The following TOMM70 variants were observed in gnomAD, a reference collection of about 807,000 sequenced individuals.
The protein encoded by TOMM70 is translocase of outer mitochondrial membrane 70.
TOMM70 carries 13 observed loss-of-function variants against 73.6 expected under a neutral mutation model. The ratio of observed to expected loss-of-function variants is 0.18; its 90% CI spans 0.11 to 0.28. The LOEUF (loss-of-function observed/expected upper bound fraction) is 0.28. Ranked by LOEUF, TOMM70 falls within the 10% of genes least tolerant of loss-of-function variation. The pLI, the probability that TOMM70 is intolerant of heterozygous loss-of-function variation, is 1.00. For missense variants in TOMM70, 609 were observed against 747.5 expected (o/e 0.81, Z 2.16); for synonymous variants, 257 against 271.2 (o/e 0.95, Z 0.51).
At chr3:100,377,514 G>T in intron 6 of TOMM70, 191 bp downstream of exon 6, 1 of 594,224 alleles carries the variant, frequency 1.7e-6, no homozygotes, top group South Asian at 2.2e-5. Flanking sequence ...CCTAAATAAA[G>T]ATAAATATCA....
At chr3:100,376,369 G>GTTTTTTTTTTTTTTGTT (rs761190084) in intron 6 of TOMM70, among the ~76,000 whole-genome samples, 1 of 121,768 alleles carries the variant, frequency 8.2e-6, no homozygotes, top group African/African-American at 3.7e-5. Flanking sequence ...TCACACAGAA[G>GTTTTTTTTTTTTTTGTT]TTTTTTTTTT....
At chr3:100,391,700 T>C (rs1319114219) in intron 1 of TOMM70, among the ~76,000 whole-genome samples, 1 of 152,314 alleles carries the variant, frequency 6.6e-6, no homozygotes, top group Middle Eastern at 3.4e-3. Flanking sequence ...GCCTTCCAAG[T>C]AGCTGTACGT....
At position 100,377,691 on chromosome 3, in the gene TOMM70, AT is replaced by A; in HGVS notation, c.1092+13del. On this transcript the variant is annotated intron_variant, in intron 6 of 11. Transcript: ENST00000284320. ...TCTATTTAATAATTTCTTCACACAC[AT>A]TTTTTAATGTACCTTCACATTAGCT... The A allele has an allele frequency of 1.3e-6, 2 of 1,595,838 alleles. No homozygotes were observed. Among genetic ancestry groups the A allele is most frequent in the Non-Finnish European group, 8.6e-7 (1 of 1,165,742 alleles).
chr3:100,387,111 T>C (rs1706700360), intron 1 of TOMM70, 133 bp from the exon 2 acceptor site: 2 of 892,496 alleles, frequency 2.2e-6, no homozygotes, highest in African/African-American at 1.7e-5. Context: ...CATACAAATA[T>C]CTTCATGGAA....
rs1706440976 is a variant in TOMM70 at position 100,365,632 on chromosome 3, G to C, written c.1759C>G (p.Leu587Val). Residue 587 changes from leucine to valine, a missense_variant, in exon 12 of 12, where the codon CTT (leucine) becomes GTT (valine). By Grantham distance (32) the Leu-to-Val change is conservative. Transcript: ENST00000284320. ...GTCTGGGCATGGGCGGCATCGCAAAGTGAATACAGATGGGCCATCTCCATT... is the reference window on the plus strand; with the variant it reads ...GTCTGGGCATGGGCGGCATCGCAAACTGAATACAGATGGGCCATCTCCATT... ...SEMEMAHLYS[L>V]CDAAHAQTEV... 6.2e-7 allele frequency: 1 copy of C among 1,614,098 alleles called. No homozygotes were observed. Among genetic ancestry groups the C allele is most frequent in the Non-Finnish European group, 8.5e-7 (1 of 1,180,040 alleles).
intron 5 of TOMM70, among the ~76,000 whole-genome samples, chr3:100,380,628 C>T (rs1302776535): frequency 6.6e-6 from 1 of 152,146 alleles, no homozygotes; most frequent in Non-Finnish European, 1.5e-5. Context: ...GTATTAAATT[C>T]ATTATAGTTT....
chr3:100,395,241 C>T (rs1355722204), intron 1 of TOMM70, among the ~76,000 whole-genome samples: 1 of 152,010 alleles, frequency 6.6e-6, no homozygotes, highest in Non-Finnish European at 1.5e-5. Context: ...TGGTGGCACT[C>T]GCCTGTAATC....
Position 100,365,542 on chromosome 3 carries a change from G to T in TOMM70, c.*22C>A, listed in dbSNP as rs1268276289. Reference sequence around the variant, plus strand: ...GAGGGGGTAAACTTTTAAAAAGAGGGTCAGTCTGCTTTCCCCCTGTTTTAT... The same window carrying T: ...GAGGGGGTAAACTTTTAAAAAGAGGTTCAGTCTGCTTTCCCCCTGTTTTAT... On this transcript the variant is annotated 3_prime_UTR_variant, in exon 12 of 12. Transcript: ENST00000284320. 5 of 1,613,936 alleles carry T rather than the reference G, an allele frequency of 3.1e-6. No homozygotes were observed. The South Asian group carries it at 5.5e-5, about 18-fold the overall frequency.
At chr3:100,398,173 CAG>C (rs1706846663) in intron 1 of TOMM70, among the ~76,000 whole-genome samples, 1 of 151,986 alleles carries the variant, frequency 6.6e-6, no homozygotes, top group East Asian at 1.9e-4. Flanking sequence ...CACCTGAGGT[CAG>C]GGGTTTGAGA....
At chr3:100,373,511 G>C (rs1706532529) in intron 8 of TOMM70, 27 bp downstream of exon 8, 1 of 1,539,160 alleles carries the variant, frequency 6.5e-7, no homozygotes, top group Non-Finnish European at 8.8e-7. Flanking sequence ...TGATGTTTAG[G>C]AAAATACAAA....
Position 100,365,709 on chromosome 3 carries a change from A to C in TOMM70, c.1682T>G (p.Met561Arg). ...GTTGAACATGTCAATGGCTTTCTCC[A>C]TGTTTCCTCTAAAAGAACAAAATTT... The part of the protein sequence containing the change: ...MGTIEVQRGN[M>R]EKAIDMFNKA... Residue 561 changes from methionine to arginine, a missense_variant, in exon 12 of 12, where the codon ATG becomes AGG. Physicochemically the swap from Met to Arg is moderately conservative, Grantham distance 91. This residue lies in a region of TOMM70 where 432 missense variants were observed against 584.1 expected (regional missense o/e 0.74). Coordinates refer to ENST00000284320, the MANE Select transcript of TOMM70 (RefSeq NM_014820.5). 6.2e-7 allele frequency: 1 copy of C among 1,614,042 alleles called. No homozygotes were observed. The highest frequency in any genetic ancestry group is 8.5e-7 in the Non-Finnish European group (1 of 1,179,938).
chr3:100,392,772 C>T (rs1390257395), intron 1 of TOMM70, among the ~76,000 whole-genome samples: 2 of 152,088 alleles, frequency 1.3e-5, no homozygotes, highest in Admixed American at 6.6e-5. Flanking sequence ...GTAGGTCTAC[C>T]ATTTGATTCA....
intron 1 of TOMM70, among the ~76,000 whole-genome samples, chr3:100,397,884 G>A (rs1307339393): frequency 2.0e-5 from 3 of 150,512 alleles, no homozygotes; most frequent in Non-Finnish European, 3.0e-5. Context: ...GTGAGACTCC[G>A]TATCAAAAAA....
intron 1 of TOMM70, among the ~76,000 whole-genome samples, chr3:100,391,671 A>G (rs1706763521): frequency 6.6e-6 from 1 of 152,214 alleles, no homozygotes; most frequent in Non-Finnish European, 1.5e-5. Flanking sequence ...TCCTGAGATT[A>G]AGCAATCCTC....
rs1706441012 is a variant in TOMM70 at position 100,365,637 on chromosome 3, T to C, written c.1754A>G (p.Tyr585Cys). Residue 585 changes from tyrosine (Y) to cysteine (C), a missense_variant, in exon 12 of 12, where the codon TAT (tyrosine) becomes TGT (cysteine). Tyr to Cys is a radical substitution (Grantham distance 194). Transcript: ENST00000284320. ...AKSEMEMAHL[Y>C]SLCDAAHAQT... ...GGCATGGGCGGCATCGCAAAGTGAA[T>C]ACAGATGGGCCATCTCCATTTCCGA... 6.2e-7 allele frequency: 1 copy of C among 1,614,228 alleles called. No homozygotes were observed. Among genetic ancestry groups the C allele is most frequent in the Admixed American group, 1.7e-5 (1 of 60,026 alleles).
chr3:100,366,538 C>T (rs1310091846), intron 11 of TOMM70, among the ~76,000 whole-genome samples: 1 of 152,076 alleles, frequency 6.6e-6, no homozygotes. Context: ...ATATTTAATC[C>T]CCCATTATAA....
chr3:100,366,406 C>CTATA (rs146350603), intron 11 of TOMM70, among the ~76,000 whole-genome samples: 1 of 150,382 alleles, frequency 6.6e-6, no homozygotes, highest in Non-Finnish European at 1.5e-5. Context: ...TAAGTCCCTA[C>CTATA]TATATATATA....
chr3:100,395,902 G>A (rs1350173228), intron 1 of TOMM70, among the ~76,000 whole-genome samples: 1 of 152,086 alleles, frequency 6.6e-6, no homozygotes, highest in East Asian at 1.9e-4. Flanking sequence ...GAAAAGTCCA[G>A]GGTGTTATAA....
intron 1 of TOMM70, among the ~76,000 whole-genome samples, chr3:100,387,608 A>ACACACACACACG (rs2148893136): frequency 1.5e-5 from 2 of 135,662 alleles, no homozygotes; most frequent in African/African-American, 6.1e-5. Flanking sequence ...AGACACACAC[A>ACACACACACACG]CACACACACA....
Sources: allele counts gnomAD v4.1 joint callset (sites outside exome capture counted in the v4.1 genomes callset), GRCh38; gene constraint gnomAD v4.1.1; regional missense constraint gnomAD v4.1.1; transcripts MANE v1.5; gene names NCBI Gene and HGNC (gene_info 2026-07-23, HGNC 2026-07-21).